LRCH1: variants seen among roughly 807,000 people sequenced by gnomAD.
The protein encoded by LRCH1 is leucine rich repeats and calponin homology domain containing 1.
LRCH1 carries 23 observed loss-of-function variants against 94.9 expected under a neutral mutation model. The ratio of observed to expected loss-of-function variants is 0.24; its 90% CI spans 0.17 to 0.34. The LOEUF (loss-of-function observed/expected upper bound fraction) is 0.34. Among genes scored for constraint, LRCH1 ranks in the 10% least tolerant of loss-of-function variants. The pLI is 1.00. For synonymous variants in LRCH1, 364 were observed against 354.9 expected (o/e 1.03, Z -0.29); for missense variants, 790 against 945.9 (o/e 0.84, Z 2.16).
At chr13:46,674,908 C>T (rs900277544) in intron 3 of LRCH1, among the ~76,000 whole-genome samples, 4 of 152,204 alleles carry the variant, frequency 2.6e-5, no homozygotes, top group Admixed American at 2.0e-4. Flanking sequence ...GTAAGCCCCT[C>T]ATGGAGTGGG....
At position 46,557,045 on chromosome 13, in the gene LRCH1, T is replaced by C. The variant is rs142021590; in HGVS notation, c.307+3342T>C. Among the ~76,000 whole-genome samples the C allele has an allele frequency of 7.0e-4, 106 of 152,354 alleles. 1 individual carries two copies. Among genetic ancestry groups the C allele is most frequent in the African/African-American group, 2.5e-3 (102 of 41,578 alleles). On this transcript the variant is annotated intron_variant, in intron 1 of 19. Coordinates refer to ENST00000389797, the MANE Select transcript of LRCH1 (RefSeq NM_001164211.2). ...TTGTTTTATAAATACACAGATTGCT[T>C]TGTATTGACTTCAGGTGGCTTGTAG...
intron 15 of LRCH1, among the ~76,000 whole-genome samples, chr13:46,713,197 T>C (rs1872159482): frequency 6.6e-6 from 1 of 152,262 alleles, no homozygotes; most frequent in African/African-American, 2.4e-5. Flanking sequence ...GAAAAGAAAG[T>C]ACTCTGTATA....
chr13:46,586,340 G>T (rs2050435115), intron 1 of LRCH1, among the ~76,000 whole-genome samples: 1 of 152,202 alleles, frequency 6.6e-6, no homozygotes, highest in South Asian at 2.1e-4. Context: ...GAGGTTGCCT[G>T]TCACATGTGG....
In LRCH1 at chr13:46,705,118, G is replaced by A. The variant is rs752401148; in HGVS notation, c.1451G>A (p.Gly484Glu). 77 of 1,609,354 alleles carry A rather than the reference G, an allele frequency of 4.8e-5. No homozygotes were observed. Among genetic ancestry groups the A allele is most frequent in the Middle Eastern group, 3.3e-4 (2 of 6,056 alleles). The change falls in exon 12 of 20, where the codon GGA becomes GAA. Residue 484 changes from glycine (G) to glutamate (E), a missense_variant. This residue lies in a region of LRCH1 where 460 missense variants were observed against 508.9 expected (regional missense o/e 0.90). Coordinates refer to ENST00000389797, the MANE Select transcript of LRCH1 (RefSeq NM_001164211.2). ...AGTGTTTTAAACCTATATCCTATGG[G>A]ATCAGCAGAAGCCTTAGAATTACAA... The part of the protein sequence containing the change: ...ERSVLNLYPM[G>E]SAEALELQDS...
At chr13:46,711,427 A>G (rs991071177) in intron 13 of LRCH1, among the ~76,000 whole-genome samples, 2 of 152,226 alleles carry the variant, frequency 1.3e-5, no homozygotes, top group African/African-American at 4.8e-5. Flanking sequence ...TTTAGGAAGT[A>G]CTACCTTGAA....
At chr13:46,625,730 T>G (rs1373288801) in intron 1 of LRCH1, among the ~76,000 whole-genome samples, 2 of 147,766 alleles carry the variant, frequency 1.4e-5, no homozygotes, top group Non-Finnish European at 1.5e-5. Flanking sequence ...CTCAGGTAAC[T>G]GCAACCTCTG....
chr13:46,574,863 A>G (rs367578232), intron 1 of LRCH1, among the ~76,000 whole-genome samples: 4 of 19,072 alleles, frequency 2.1e-4, no homozygotes, highest in Admixed American at 1.2e-3. Flanking sequence ...TGGGCTATTT[A>G]TTGCTTTTTC....
intron 8 of LRCH1, among the ~76,000 whole-genome samples, chr13:46,693,518 T>C (rs551688762): frequency 6.6e-6 from 1 of 152,218 alleles, no homozygotes; most frequent in South Asian, 2.1e-4. Flanking sequence ...GTGGGAAATG[T>C]AGTTGAGGTG....
chr13:46,578,128 A>G (rs2050323852), intron 1 of LRCH1, among the ~76,000 whole-genome samples: 1 of 152,162 alleles, frequency 6.6e-6, no homozygotes, highest in Admixed American at 6.5e-5. Flanking sequence ...AGTGAGATGC[A>G]TTAGGTGTGG....
intron 15 of LRCH1, among the ~76,000 whole-genome samples, chr13:46,713,512 T>C (rs1340222949): frequency 1.3e-5 from 2 of 152,200 alleles, no homozygotes; most frequent in African/African-American, 4.8e-5. Context: ...AAAGGAAATG[T>C]TTTTCATTCT....
intron 1 of LRCH1, among the ~76,000 whole-genome samples, chr13:46,583,925 C>G (rs965092965): frequency 6.6e-6 from 1 of 151,924 alleles, no homozygotes; most frequent in Non-Finnish European, 1.5e-5. Context: ...TGCGCCCAGC[C>G]AAGGAATTTT....
chr13:46,659,608 A>G (rs2051419417), intron 2 of LRCH1, among the ~76,000 whole-genome samples: 2 of 152,298 alleles, frequency 1.3e-5, no homozygotes, highest in Non-Finnish European at 2.9e-5. Flanking sequence ...CAGCAGTGAT[A>G]CTCAGTGGGG....
At chr13:46,734,149 T>C in intron 19 of LRCH1, 151 bp downstream of exon 19, 1 of 429,840 alleles carries the variant, frequency 2.3e-6, no homozygotes, top group East Asian at 3.7e-5. Context: ...ATATAAACTT[T>C]AACTTGCTCT....
chr13:46,576,776 G>A (rs541287817), intron 1 of LRCH1, among the ~76,000 whole-genome samples: 2 of 152,328 alleles, frequency 1.3e-5, no homozygotes, highest in South Asian at 4.1e-4. Context: ...GTTGGCATTT[G>A]TATTCGTTTT....
chr13:46,692,212 A>C (rs1870935017), intron 7 of LRCH1, among the ~76,000 whole-genome samples: 1 of 152,206 alleles, frequency 6.6e-6, no homozygotes, highest in African/African-American at 2.4e-5. Context: ...GAAAACACAG[A>C]GAAGCCCATA....
Position 46,573,845 on chromosome 13 carries a change from AATATATAT to A in LRCH1, c.307+20157_307+20164del, listed in dbSNP as rs1555269134. 1.2e-4 allele frequency among the ~76,000 whole-genome samples: 9 copies of A among 78,002 alleles called. 1 individual carries two copies. Among genetic ancestry groups the A allele is most frequent in the Non-Finnish European group, 2.0e-4 (8 of 39,316 alleles). 51.2% of individuals were successfully genotyped at this position (78,002 alleles called of 152,430 possible). On this transcript the variant is annotated intron_variant, in intron 1 of 19. Transcript: ENST00000389797. ...TAGCACAACAGGGTGACTATAGTCA[AATATATAT>A]ATATATATATATATTTTTTTTTTTT...
intron 6 of LRCH1, 80 bp downstream of exon 6, chr13:46,688,059 GTTTGT>G: frequency 1.4e-6 from 2 of 1,404,362 alleles, no homozygotes; most frequent in Non-Finnish European, 9.5e-7. Context: ...TTCAAAATCT[GTTTGT>G]TTTAAGTCAC....
At chr13:46,608,886 T>TG (rs1486940588) in intron 1 of LRCH1, among the ~76,000 whole-genome samples, 1 of 152,178 alleles carries the variant, frequency 6.6e-6, no homozygotes, top group Non-Finnish European at 1.5e-5. Context: ...TTGCATGCAT[T>TG]CTCCTTAAAG....
chr13:46,695,729 T>A (rs888430559), intron 9 of LRCH1, among the ~76,000 whole-genome samples: 3 of 152,142 alleles, frequency 2.0e-5, no homozygotes. Context: ...AACTTCTGAG[T>A]TATTATGTTG....
Sources: gnomAD v4.1 joint callset for allele counts (sites outside exome capture counted in the v4.1 genomes callset) on GRCh38, gnomAD v4.1.1 for gene constraint, gnomAD v4.1.1 regional missense constraint, MANE v1.5 for transcripts, NCBI Gene and HGNC (gene_info 2026-07-23, HGNC 2026-07-21) for gene names.